SKAP1: variants seen among roughly 807,000 people sequenced by gnomAD.
SKAP1 encodes src kinase associated phosphoprotein 1.
Under a neutral mutation model 58.5 loss-of-function variants are expected in SKAP1, and 44 were observed. The ratio of observed to expected loss-of-function variants is 0.75; its 90% CI spans 0.59 to 0.97. SKAP1 has a LOEUF of 0.97. SKAP1 is among the 50% of genes least tolerant of loss of function. SKAP1 has a pLI of 0.00. For missense variants in SKAP1, 390 were observed against 435.2 expected (o/e 0.90, Z 0.92); for synonymous variants, 127 against 149.7 (o/e 0.85, Z 1.11).
At chr17:48,172,585 T>C (rs1390075774) in intron 9 of SKAP1, among the ~76,000 whole-genome samples, 1 of 152,184 alleles carries the variant, frequency 6.6e-6, no homozygotes, top group East Asian at 1.9e-4. Context: ...GCACAGTAGA[T>C]AGGGTATAGT....
chr17:48,188,906 A>C (rs1681063476), intron 5 of SKAP1, among the ~76,000 whole-genome samples: 1 of 152,228 alleles, frequency 6.6e-6, no homozygotes, highest in Admixed American at 6.5e-5. Flanking sequence ...AGGCTGAGAC[A>C]GCAGAATCGC....
chr17:48,137,334 A>C lies in SKAP1; in HGVS notation c.982T>G (p.Tyr328Asp), dbSNP rs1317251061. 4.3e-6 allele frequency: 7 copies of C among 1,609,438 alleles called. No homozygotes were observed. The highest frequency in any genetic ancestry group is 6.0e-6 in the Non-Finnish European group (7 of 1,175,994). Reference sequence around the variant, plus strand: ...CCCACCCACCAGCCATACATGTTATACTCCTGAAAAGTGAAAAGAGGATAG... The same window carrying C: ...CCCACCCACCAGCCATACATGTTATCCTCCTGAAAAGTGAAAAGAGGATAG... ...GDLIRILSKEYNMYGWWVGEL... is the reference protein window; with the variant it reads ...GDLIRILSKEDNMYGWWVGEL... Residue 328 changes from tyrosine (Y) to aspartate (D), a missense_variant, in exon 12 of 13, where the codon TAT (tyrosine) becomes GAT (aspartate). Tyr to Asp is a radical substitution (Grantham distance 160, BLOSUM62 -3). Transcript: ENST00000336915.
intron 11 of SKAP1, among the ~76,000 whole-genome samples, chr17:48,148,769 A>AT (rs996696287): frequency 2.6e-5 from 4 of 151,968 alleles, no homozygotes; most frequent in African/African-American, 4.8e-5. Context: ...AGGCCGGGAG[A>AT]TTTTTTATTT....
chr17:48,255,998 G>C (rs141260001), intron 4 of SKAP1, among the ~76,000 whole-genome samples: 325 of 152,124 alleles, frequency 2.1e-3, no homozygotes, highest in African/African-American at 7.6e-3. Context: ...CTTCAGTTTA[G>C]CAGCCGAAAG....
chr17:48,163,102 A>G (rs1237762828), intron 10 of SKAP1, among the ~76,000 whole-genome samples: 3 of 152,282 alleles, frequency 2.0e-5, no homozygotes, highest in South Asian at 2.1e-4. Context: ...TATATGAGGT[A>G]ATCACCAATA....
intron 4 of SKAP1, among the ~76,000 whole-genome samples, chr17:48,291,884 A>G (rs916331138): frequency 6.6e-6 from 1 of 152,202 alleles, no homozygotes; most frequent in African/African-American, 2.4e-5. Context: ...TTTTTATGGC[A>G]TATCTTTAAA....
intron 4 of SKAP1, among the ~76,000 whole-genome samples, chr17:48,289,952 T>G (rs950285017): frequency 6.6e-6 from 1 of 152,138 alleles, no homozygotes; most frequent in Admixed American, 6.5e-5. Flanking sequence ...GCTGAAGAAC[T>G]GAACATTAGT....
At position 48,321,347 on chromosome 17, in the gene SKAP1, C is replaced by CATTATT. The variant is rs59389347; in HGVS notation, c.280+24552_280+24557dup. On this transcript the variant is annotated intron_variant, in intron 4 of 12. Coordinates refer to ENST00000336915, the MANE Select transcript of SKAP1 (RefSeq NM_003726.4). The stretch of plus-strand genomic sequence containing the variant: ...TTCTATCCAGCTCATCCTTCTGTCT[C>CATTATT]ATTATTATTATTATTATTATTATTA... 5.6e-3 allele frequency among the ~76,000 whole-genome samples: 770 copies of CATTATT among 137,554 alleles called. 1 individual carries two copies. The highest frequency in any genetic ancestry group is 0.012 in the East Asian group (56 of 4,750). The allele number at this position is 137,554 out of a possible 152,430, so 90.2% of individuals were successfully genotyped here. A position where few individuals can be genotyped will look rare whatever the true frequency, so the allele number is the denominator to read the frequency against.
chr17:48,260,631 G>T (rs1407815311), intron 4 of SKAP1, among the ~76,000 whole-genome samples: 2 of 152,078 alleles, frequency 1.3e-5, no homozygotes, highest in East Asian at 1.9e-4. Flanking sequence ...CACTGGAGGG[G>T]TGTGTGTGTG....
At chr17:48,274,486 C>T (rs1229637041) in intron 4 of SKAP1, among the ~76,000 whole-genome samples, 1 of 151,998 alleles carries the variant, frequency 6.6e-6, no homozygotes, top group Non-Finnish European at 1.5e-5. Flanking sequence ...CACCTGAAGT[C>T]GGGAGTTTGA....
chr17:48,298,191 C>T (rs2066006653), intron 4 of SKAP1, among the ~76,000 whole-genome samples: 1 of 152,200 alleles, frequency 6.6e-6, no homozygotes, highest in African/African-American at 2.4e-5. Flanking sequence ...GTATGTCATC[C>T]TTAGCTATTG....
At chr17:48,357,332 TA>T (rs769844849) in intron 3 of SKAP1, among the ~76,000 whole-genome samples, 4 of 150,382 alleles carry the variant, frequency 2.7e-5, no homozygotes, top group East Asian at 3.9e-4. Flanking sequence ...GTCTTTTTGT[TA>T]AAAAAAAAAT....
At chr17:48,399,721 T>C (rs1443219067) in intron 1 of SKAP1, among the ~76,000 whole-genome samples, 1 of 150,568 alleles carries the variant, frequency 6.6e-6, no homozygotes, top group Non-Finnish European at 1.5e-5. Context: ...GAGCCATGAC[T>C]GTGCCACTCC....
intron 1 of SKAP1, among the ~76,000 whole-genome samples, chr17:48,422,957 T>C (rs1317502169): frequency 6.6e-6 from 1 of 151,638 alleles, no homozygotes; most frequent in East Asian, 1.9e-4. Context: ...ATATCAGGAG[T>C]CCAATATATG....
chr17:48,355,376 C>A (rs2066861991), intron 3 of SKAP1, among the ~76,000 whole-genome samples: 1 of 152,250 alleles, frequency 6.6e-6, no homozygotes, highest in South Asian at 2.1e-4. Context: ...CTCTCAGGCT[C>A]AAGTGATCCT....
Position 48,361,270 on chromosome 17 carries a change from A to G in SKAP1, c.178+2519T>C, listed in dbSNP as rs1484195206. 4.0e-5 allele frequency among the ~76,000 whole-genome samples: 6 copies of G among 151,382 alleles called. No homozygotes were observed. The East Asian group carries it at 5.8e-4, about 15-fold the overall frequency. ...GCCCAGGCTTGAGTGCAATGACACA[A>G]TCTCGGCTCACTGCAACCTCCGTCT... On this transcript the variant is annotated intron_variant, in intron 3 of 12. Transcript: ENST00000336915.
At chr17:48,293,582 T>C (rs1164827415) in intron 4 of SKAP1, among the ~76,000 whole-genome samples, 1 of 152,214 alleles carries the variant, frequency 6.6e-6, no homozygotes, top group Non-Finnish European at 1.5e-5. Flanking sequence ...CATATCCTGG[T>C]ACATACGAGG....
intron 4 of SKAP1, among the ~76,000 whole-genome samples, chr17:48,340,356 A>G (rs1291909504): frequency 6.6e-6 from 1 of 152,178 alleles, no homozygotes; most frequent in Non-Finnish European, 1.5e-5. Context: ...CTGAAAACAA[A>G]ACAAACAAAA....
At chr17:48,266,285 T>C (rs1460672543) in intron 4 of SKAP1, among the ~76,000 whole-genome samples, 1 of 152,160 alleles carries the variant, frequency 6.6e-6, no homozygotes, top group East Asian at 1.9e-4. Flanking sequence ...ATATTTCTAG[T>C]TCAAAGGTAG....
Sources: gnomAD v4.1 joint callset for allele counts (sites outside exome capture counted in the v4.1 genomes callset) on GRCh38, gnomAD v4.1.1 for gene constraint, MANE v1.5 for transcripts, NCBI Gene and HGNC (gene_info 2026-07-23, HGNC 2026-07-21) for gene names.